Variants in CEL observed in about 807,000 individuals in gnomAD.
CEL encodes the protein bile salt-activated lipase.
In CEL, 39 loss-of-function variants were observed where a neutral mutation model predicts 57.1. The observed-to-expected ratio is 0.68, with a 90% CI of 0.53 to 0.89. The LOEUF (loss-of-function observed/expected upper bound fraction) is 0.89, where lower values mean the gene tolerates loss of function less well. Ranked by LOEUF, CEL falls within the 40% of genes least tolerant of loss-of-function variation. The pLI is 0.00. For missense variants in CEL, 698 were observed against 915.0 expected (o/e 0.76, Z 3.06); for synonymous variants, 314 against 396.6 (o/e 0.79, Z 2.48).
Position 133,067,087 on chromosome 9 carries a change from G to A in CEL, c.778-1G>A. On this transcript the variant is annotated splice_acceptor_variant, in intron 6 of 10. Transcript: ENST00000372080. LOFTEE classifies it high-confidence loss of function. ...CCTGCTGGCCTTGGTTCTGCCCCCAGGTGGCTGAGAAGGTGGGTTGCCCTG... is the reference window on the plus strand; with the variant it reads ...CCTGCTGGCCTTGGTTCTGCCCCCAAGTGGCTGAGAAGGTGGGTTGCCCTG... The A allele has an allele frequency of 6.2e-7, 1 of 1,614,170 alleles. No homozygotes were observed. Among genetic ancestry groups the A allele is most frequent in the Non-Finnish European group, 8.5e-7 (1 of 1,180,004 alleles).
At chr9:133,070,241 G>C (rs1830239026) in intron 9 of CEL, among the ~76,000 whole-genome samples, 1 of 147,752 alleles carries the variant, frequency 6.8e-6, no homozygotes, top group South Asian at 2.2e-4. Context: ...ACAATGTTTT[G>C]TGGAGGTGAA....
chr9:133,068,669 C>T lies in CEL; in HGVS notation c.896-3C>T. The T allele has an allele frequency of 6.2e-7, 1 of 1,613,252 alleles. No individual in the cohort carries two copies. On this transcript the variant is annotated splice_polypyrimidine_tract_variant and splice_region_variant and intron_variant, in intron 7 of 10. Transcript: ENST00000372080. ...CTGCTAACCTGCTGGCTCTCCCACC[C>T]AGACCCCATGCTGCACTATGTGGGC...
At position 133,064,515 on chromosome 9, in the gene CEL, A is replaced by G. The variant is rs1433124386; in HGVS notation, c.178A>G (p.Lys60Glu). The part of the protein sequence containing the change: ...FKGIPFAAPT[K>E]ALENPQPHPG... ...GGGCATCCCCTTCGCAGCTCCCACC[A>G]AGGCCCTGGAAAATCCTCAGCCACA... Residue 60 changes from lysine to glutamate, a missense_variant, in exon 2 of 11, where the codon AAG becomes GAG. Physicochemically the swap from Lys to Glu is moderately conservative, Grantham distance 56. Around this residue, in one of 6 missense-constraint regions of CEL, gnomAD observed 327 missense variants for 374.1 expected, o/e 0.87. Coordinates refer to ENST00000372080, the MANE Select transcript of CEL (RefSeq NM_001807.6). The G allele has an allele frequency of 3.1e-6, 5 of 1,614,020 alleles. No individual in the cohort carries two copies. In the Admixed American group the frequency reaches 5.0e-5, roughly 16 times the overall value.
chr9:133,067,161 GA>G lies in CEL; in HGVS notation c.852del (p.Ala285ProfsTer2), dbSNP rs1391914128. 6.2e-7 allele frequency: 1 copy of G among 1,613,874 alleles called. No homozygotes were observed. Among genetic ancestry groups the G allele is most frequent in the African/African-American group, 1.3e-5 (1 of 74,898 alleles). On this transcript the variant is annotated frameshift_variant, in exon 7 of 11. Coordinates refer to ENST00000372080, the MANE Select transcript of CEL (RefSeq NM_001807.6). LOFTEE classifies it high-confidence loss of function. Reference protein sequence around the residue: ...MAQCLKVTDPRALTLAYKVPL... With the variant: ...MAQCLKVTDPXALTLAYKVPL... ...CAGTGTCTGAAGGTTACTGATCCCC[GA>G]GCCCTGACGCTGGCCTATAAGGTGC...
Position 133,071,785 on chromosome 9 carries a change from C to T in CEL, c.*21C>T. On this transcript the variant is annotated 3_prime_UTR_variant, in exon 11 of 11. Coordinates refer to ENST00000372080, the MANE Select transcript of CEL (RefSeq NM_001807.6). The stretch of plus-strand genomic sequence containing the variant: ...TTTAGCGTCCCATGAGCCTTGGTAT[C>T]AAGAGGCCACAAGAGTGGGACCCCA... 6.2e-7 allele frequency: 1 copy of T among 1,606,332 alleles called. No homozygotes were observed. Among genetic ancestry groups the T allele is most frequent in the Non-Finnish European group, 8.5e-7 (1 of 1,174,430 alleles).
At chr9:133,063,006 C>T (rs1425824867) in intron 1 of CEL, among the ~76,000 whole-genome samples, 17 of 151,648 alleles carry the variant, frequency 1.1e-4, no homozygotes, top group African/African-American at 3.4e-4. Flanking sequence ...TGTCGGTGCC[C>T]GGCCCAGTCC....
intron 7 of CEL, among the ~76,000 whole-genome samples, chr9:133,067,595 G>A (rs752423798): frequency 1.7e-4 from 26 of 152,182 alleles, no homozygotes; most frequent in African/African-American, 5.3e-4. Context: ...GGATGATCTC[G>A]GTCTTGGGAC....
intron 4 of CEL, among the ~76,000 whole-genome samples, chr9:133,065,846 CAAAAAAAAAA>C (rs34365056): frequency 1.3e-5 from 1 of 75,838 alleles, no homozygotes; most frequent in Admixed American, 1.6e-4. Context: ...AACTCTGTCT[CAAAAAAAAAA>C]AAAAAAAAAA....
Position 133,071,031 on chromosome 9 carries a change from C to A in CEL, c.1529C>A (p.Pro510His), listed in dbSNP as rs1306543846. 6.2e-7 allele frequency: 1 copy of A among 1,613,648 alleles called. No homozygotes were observed. The highest frequency in any genetic ancestry group is 1.7e-5 in the Admixed American group (1 of 60,002). The change falls in exon 11 of 11, where the codon CCC becomes CAC. Residue 510 changes from proline to histidine, a missense_variant. Physicochemically the swap from Pro to His is moderately conservative, Grantham distance 77 (BLOSUM62 -2). This residue lies in a region of CEL where 111 missense variants were observed against 147.3 expected (regional missense o/e 0.75). Transcript: ENST00000372080. ...GDSAVPTHWE[P>H]YTTENSGYLE... ...TCGGCTGTGCCCACACACTGGGAACCCTACACTACGGAAAACAGCGGCTAC... is the reference window on the plus strand; with the variant it reads ...TCGGCTGTGCCCACACACTGGGAACACTACACTACGGAAAACAGCGGCTAC...
At position 133,067,084 on chromosome 9, in the gene CEL, C is replaced by A. The variant is rs775024540; in HGVS notation, c.778-4C>A. On this transcript the variant is annotated splice_region_variant and splice_polypyrimidine_tract_variant and intron_variant, in intron 6 of 10. Coordinates refer to ENST00000372080, the MANE Select transcript of CEL (RefSeq NM_001807.6). Reference sequence around the variant, plus strand: ...CTACCTGCTGGCCTTGGTTCTGCCCCCAGGTGGCTGAGAAGGTGGGTTGCC... The same window carrying A: ...CTACCTGCTGGCCTTGGTTCTGCCCACAGGTGGCTGAGAAGGTGGGTTGCC... 1.2e-6 allele frequency: 2 copies of A among 1,613,952 alleles called. No homozygotes were observed. The highest frequency in any genetic ancestry group is 1.7e-6 in the Non-Finnish European group (2 of 1,179,964).
Position 133,066,389 on chromosome 9 carries a change from A to T in CEL, c.539-141A>T, listed in dbSNP as rs1830178644. 1.0e-6 allele frequency: 1 copy of T among 982,254 alleles called. No homozygotes were observed. Among genetic ancestry groups the T allele is most frequent in the Admixed American group, 2.0e-5 (1 of 49,322 alleles). The allele number at this position is 982,254 out of a possible 1,614,324, so 60.8% of individuals were successfully genotyped here. The stretch of plus-strand genomic sequence containing the variant: ...CCCTACCCGACCCAGCTTCTTAGGG[A>T]CCCACCATTTGCCAACTGGGGCTCT... On this transcript the variant is annotated intron_variant, in intron 4 of 10. Transcript: ENST00000372080. This position sits in a 1 kb window ranked among gnomAD's most constrained non-coding sequence, Gnocchi z 4.3.
At chr9:133,067,403 T>A (rs1418838067) in intron 7 of CEL, among the ~76,000 whole-genome samples, 198 bp downstream of exon 7, 1 of 151,226 alleles carries the variant, frequency 6.6e-6, no homozygotes, top group East Asian at 1.9e-4. Flanking sequence ...TGAGATGGAG[T>A]CTCACTGTTG....
rs1830258730 is a variant in CEL at position 133,071,203 on chromosome 9, G to C, written c.1701G>C (p.Glu567Asp). Reference sequence around the variant, plus strand: ...CTGTGCCCCCCACAGGGGACTCCGAGGCCACTCCCGTGCCCCCCACGGGTG... The same window carrying C: ...CTGTGCCCCCCACAGGGGACTCCGACGCCACTCCCGTGCCCCCCACGGGTG... ...ATPVPPTGDS[E>D]ATPVPPTGDS... Residue 567 changes from glutamate (E) to aspartate (D), a missense_variant, in exon 11 of 11, where the codon GAG (glutamate) becomes GAC (aspartate). By Grantham distance (45) the Glu-to-Asp change is conservative (BLOSUM62 2). This residue lies in a region of CEL where 238 missense variants were observed against 213.7 expected (regional missense o/e 1.11). Coordinates refer to ENST00000372080, the MANE Select transcript of CEL (RefSeq NM_001807.6). 2.5e-6 allele frequency: 4 copies of C among 1,603,758 alleles called. No individual in the cohort carries two copies. The highest frequency in any genetic ancestry group is 2.5e-6 in the Non-Finnish European group (3 of 1,178,546).
Position 133,070,550 on chromosome 9 carries a change from T to C in CEL, c.1376T>C (p.Ile459Thr). Residue 459 changes from isoleucine to threonine, a missense_variant, in exon 10 of 11, where the codon ATT becomes ACT. By Grantham distance (89) the Ile-to-Thr change is moderately conservative. This residue lies in a region of CEL where 111 missense variants were observed against 147.3 expected (regional missense o/e 0.75). Transcript: ENST00000372080. ...KWVGADHADDIQYVFGKPFAT... is the reference protein window; with the variant it reads ...KWVGADHADDTQYVFGKPFAT... ...GTGGGGGCCGACCATGCAGATGACATTCAGTACGTTTTCGGGAAGCCCTTC... is the reference window on the plus strand; with the variant it reads ...GTGGGGGCCGACCATGCAGATGACACTCAGTACGTTTTCGGGAAGCCCTTC... The C allele has an allele frequency of 1.9e-6, 3 of 1,614,044 alleles. No homozygotes were observed. Among genetic ancestry groups the C allele is most frequent in the Non-Finnish European group, 1.7e-6 (2 of 1,180,016 alleles).
chr9:133,065,164 C>G lies in CEL; in HGVS notation c.465C>G (p.Asn155Lys). ...YDGEEIATRG[N>K]VIVVTFNYRV... ...GCGAGGAGATCGCCACACGCGGAAACGTCATCGTGGTCACCTTCAACTACC... is the reference window on the plus strand; with the variant it reads ...GCGAGGAGATCGCCACACGCGGAAAGGTCATCGTGGTCACCTTCAACTACC... The change falls in exon 4 of 11, where the codon AAC becomes AAG. Residue 155 changes from asparagine (N) to lysine (K), a missense_variant. Asn to Lys is a moderately conservative substitution (Grantham distance 94). Around this residue, in one of 6 missense-constraint regions of CEL, gnomAD observed 327 missense variants for 374.1 expected, o/e 0.87. Coordinates refer to ENST00000372080, the MANE Select transcript of CEL (RefSeq NM_001807.6). 6.2e-7 allele frequency: 1 copy of G among 1,613,748 alleles called. No individual in the cohort carries two copies. The highest frequency in any genetic ancestry group is 1.1e-5 in the South Asian group (1 of 91,086).
At chr9:133,064,974 CAG>C (rs1179450847) in intron 3 of CEL, 64 bp from the exon 4 acceptor site, 5 of 1,597,370 alleles carry the variant, frequency 3.1e-6, no homozygotes, top group Non-Finnish European at 3.4e-6. Flanking sequence ...TGCACAGGGA[CAG>C]GGGACCGGCT....
chr9:133,066,217 A>G lies in CEL; in HGVS notation c.539-313A>G, dbSNP rs1830176804. ...CATGGGCCTGACCATCCTGCCCCCGACAAACACCACCCCCTCCAGCACCAC... is the reference window on the plus strand; with the variant it reads ...CATGGGCCTGACCATCCTGCCCCCGGCAAACACCACCCCCTCCAGCACCAC... On this transcript the variant is annotated intron_variant, in intron 4 of 10. Transcript: ENST00000372080. This position sits in a 1 kb window ranked among gnomAD's most constrained non-coding sequence, Gnocchi z 4.3. 6.6e-6 allele frequency among the ~76,000 whole-genome samples: 1 copy of G among 151,922 alleles called. No homozygotes were observed. Among genetic ancestry groups the G allele is most frequent in the South Asian group, 2.1e-4 (1 of 4,818 alleles).
chr9:133,071,849 C>A lies in CEL; in HGVS notation c.*85C>A. On this transcript the variant is annotated 3_prime_UTR_variant, in exon 11 of 11. Coordinates refer to ENST00000372080, the MANE Select transcript of CEL (RefSeq NM_001807.6). ...CATCTTGAGCTCTTCCTGAATAAAGCCTCATACCCCTGTCGGTGTCTTTCT... is the reference window on the plus strand; with the variant it reads ...CATCTTGAGCTCTTCCTGAATAAAGACTCATACCCCTGTCGGTGTCTTTCT... 3 of 1,235,012 alleles carry A rather than the reference C, an allele frequency of 2.4e-6. No homozygotes were observed. The highest frequency in any genetic ancestry group is 3.5e-6 in the Non-Finnish European group (3 of 850,894). The allele number at this position is 1,235,012 out of a possible 1,614,324, so 76.5% of individuals were successfully genotyped here.
rs1169338193 is a variant in CEL at position 133,064,475 on chromosome 9, T to G, written c.138T>G (p.Ser46=). The change falls in exon 2 of 11, where the codon TCT becomes TCG. Residue 46 remains serine (S), a synonymous_variant. Transcript: ENST00000372080. The stretch of plus-strand genomic sequence containing the variant: ...AGAAGCTCGGCCTCCTGGGTGACTC[T>G]GTGGACATCTTCAAGGGCATCCCCT... ...VNKKLGLLGD[S]VDIFKGIPFA... 2 of 1,614,164 alleles carry G rather than the reference T, an allele frequency of 1.2e-6. No individual in the cohort carries two copies. The highest frequency in any genetic ancestry group is 4.5e-5 in the East Asian group (2 of 44,884).
Sources: gnomAD v4.1 joint callset for allele counts (sites outside exome capture counted in the v4.1 genomes callset) on GRCh38, gnomAD v4.1.1 for gene constraint, gnomAD v4.1.1 regional missense constraint, Gnocchi (gnomAD v3.1) non-coding constraint, MANE v1.5 for transcripts, NCBI Gene and HGNC (gene_info 2026-07-23, HGNC 2026-07-21) for gene names.